ROBO1: variants seen among roughly 807,000 people sequenced by gnomAD.
The protein encoded by ROBO1 is roundabout guidance receptor 1.
ROBO1 carries 149 observed loss-of-function variants against 195.9 expected under a neutral mutation model. The observed-to-expected ratio is 0.76, with a 90% CI of 0.67 to 0.87. ROBO1 has a LOEUF of 0.87. Ranked by LOEUF, ROBO1 falls within the 40% of genes least tolerant of loss-of-function variation. The pLI, the probability that ROBO1 is intolerant of heterozygous loss-of-function variation, is 0.00. For synonymous variants in ROBO1, 816 were observed against 733.2 expected, an observed-to-expected ratio of 1.11 and a Z score of -1.82; for missense variants, 1,933 against 2,068.3, an observed-to-expected ratio of 0.93 and a Z score of 1.27.
At chr3:79,169,735 G>C (rs2081133713) in intron 2 of ROBO1, among the ~76,000 whole-genome samples, 1 of 152,074 alleles carries the variant, frequency 6.6e-6, no homozygotes, top group Non-Finnish European at 1.5e-5. Context: ...GATCACAGCT[G>C]TTATAAGTGA....
intron 4 of ROBO1, among the ~76,000 whole-genome samples, chr3:78,771,575 T>C (rs934087891): frequency 6.6e-6 from 1 of 152,090 alleles, no homozygotes; most frequent in African/African-American, 2.4e-5. Context: ...TTTCTTTCAG[T>C]AGTGTTTTTT....
intron 2 of ROBO1, among the ~76,000 whole-genome samples, chr3:79,165,435 AC>A (rs2081047359): frequency 6.6e-6 from 1 of 152,240 alleles, no homozygotes; most frequent in Non-Finnish European, 1.5e-5. Flanking sequence ...TGCTGAGTGA[AC>A]TCAGTATCCC....
chr3:79,288,127 C>G (rs906637690), intron 2 of ROBO1, among the ~76,000 whole-genome samples: 1 of 152,108 alleles, frequency 6.6e-6, no homozygotes, highest in African/African-American at 2.4e-5. Context: ...AGCCAATCTT[C>G]CTCCGTTTTC....
intron 4 of ROBO1, among the ~76,000 whole-genome samples, chr3:78,922,448 T>C (rs1224464221): frequency 6.6e-6 from 1 of 152,058 alleles, no homozygotes; most frequent in East Asian, 1.9e-4. Flanking sequence ...TAGAAAAGCA[T>C]AATTTCAAAG....
intron 2 of ROBO1, among the ~76,000 whole-genome samples, chr3:79,444,582 C>A (rs1195369146): frequency 6.6e-6 from 1 of 152,098 alleles, no homozygotes; most frequent in Admixed American, 6.5e-5. Flanking sequence ...ATATGTCCTA[C>A]AACCAAGCAA....
intron 3 of ROBO1, among the ~76,000 whole-genome samples, chr3:79,069,329 A>T (rs557505344): frequency 2.6e-5 from 4 of 151,860 alleles, no homozygotes; most frequent in Admixed American, 2.6e-4. Context: ...GTCATTTCAG[A>T]TTGTGTAGCA....
intron 1 of ROBO1, among the ~76,000 whole-genome samples, chr3:79,725,371 C>A (rs965062529): frequency 6.6e-6 from 1 of 151,352 alleles, no homozygotes; most frequent in Non-Finnish European, 1.5e-5. Flanking sequence ...GGACTACAGG[C>A]GCCCGCCACC....
rs188484305 is a variant in ROBO1, at chr3:79,178,570, G to A, written c.89-53031C>T. 1.6e-3 allele frequency among the ~76,000 whole-genome samples: 238 copies of A among 152,312 alleles called. 1 individual carries two copies. Among genetic ancestry groups the A allele is most frequent in the South Asian group, 3.7e-3 (18 of 4,834 alleles). On this transcript the variant is annotated intron_variant, in intron 2 of 30. Transcript: ENST00000464233. ...TGGCTGTCAGAATAAAATGAAGCATGAGTCTGCTGAGAAAATCAAGCATCA... is the reference window on the plus strand; with the variant it reads ...TGGCTGTCAGAATAAAATGAAGCATAAGTCTGCTGAGAAAATCAAGCATCA...
intron 3 of ROBO1, among the ~76,000 whole-genome samples, chr3:79,026,161 T>C (rs2078199010): frequency 6.6e-6 from 1 of 152,130 alleles, no homozygotes; most frequent in East Asian, 1.9e-4. Flanking sequence ...ATAAAAATTA[T>C]AACAAGCAGT....
chr3:78,860,127 G>GTAGGTAGA (rs1157848874), intron 4 of ROBO1, among the ~76,000 whole-genome samples: 6 of 137,720 alleles, frequency 4.4e-5, no homozygotes, highest in Admixed American at 2.9e-4. Flanking sequence ...GGGAACATAG[G>GTAGGTAGA]TAGGTAGATA....
chr3:79,156,417 C>A (rs2080859200), intron 2 of ROBO1, among the ~76,000 whole-genome samples: 1 of 151,728 alleles, frequency 6.6e-6, no homozygotes, highest in African/African-American at 2.4e-5. Context: ...GTACCCCTTT[C>A]ATTTTTCACA....
intron 2 of ROBO1, among the ~76,000 whole-genome samples, chr3:79,508,943 T>G (rs954876615): frequency 6.6e-6 from 1 of 152,148 alleles, no homozygotes; most frequent in African/African-American, 2.4e-5. Flanking sequence ...AAACAAAGTA[T>G]AAGTCTTATA....
At chr3:79,559,298 A>T (rs1473458511) in intron 2 of ROBO1, among the ~76,000 whole-genome samples, 2 of 152,196 alleles carry the variant, frequency 1.3e-5, no homozygotes, top group East Asian at 1.9e-4. Flanking sequence ...TTTTTTGCTC[A>T]AGTAAACTCT....
rs535261085 is a variant in ROBO1 at position 78,758,075 on chromosome 3, G to A, written c.500-11175C>T. On this transcript the variant is annotated intron_variant, in intron 4 of 30. Transcript: ENST00000464233. ...GTCTGCTCAGCCATCAGCTCTGGCAGACAAAGTTTAAGACCTCCTCTGGAT... is the reference window on the plus strand; with the variant it reads ...GTCTGCTCAGCCATCAGCTCTGGCAAACAAAGTTTAAGACCTCCTCTGGAT... 9.2e-5 allele frequency among the ~76,000 whole-genome samples: 14 copies of A among 152,322 alleles called. No homozygotes were observed. The East Asian group carries it at 2.7e-3, about 29-fold the overall frequency.
At chr3:78,660,904 T>C (rs2107665989) in intron 16 of ROBO1, 126 bp downstream of exon 16, 2 of 701,996 alleles carry the variant, frequency 2.8e-6, no homozygotes, top group East Asian at 2.7e-5. Context: ...TAGCAAAATG[T>C]ATGTTCAATA....
chr3:79,504,840 T>C (rs1267974670), intron 2 of ROBO1, among the ~76,000 whole-genome samples: 1 of 152,090 alleles, frequency 6.6e-6, no homozygotes, highest in Non-Finnish European at 1.5e-5. Flanking sequence ...TAGTTGGGCA[T>C]ATGTGTGTGT....
At chr3:79,483,156 T>C (rs2107395509) in intron 2 of ROBO1, among the ~76,000 whole-genome samples, 1 of 152,328 alleles carries the variant, frequency 6.6e-6, no homozygotes, top group African/African-American at 2.4e-5. Context: ...ATTATAATTT[T>C]TGCACTATCT....
intron 1 of ROBO1, among the ~76,000 whole-genome samples, chr3:79,697,630 CACAATAAG>C (rs1324159529): frequency 2.0e-5 from 3 of 151,076 alleles, no homozygotes; most frequent in African/African-American, 7.3e-5. Context: ...AATTCTTTGT[CACAATAAG>C]ACATATGATG....
intron 2 of ROBO1, among the ~76,000 whole-genome samples, chr3:79,272,434 C>A (rs569298821): frequency 6.6e-6 from 1 of 152,080 alleles, no homozygotes; most frequent in Non-Finnish European, 1.5e-5. Flanking sequence ...CAGAAAAAAA[C>A]ACTTTCCTTA....
Sources: allele counts gnomAD v4.1 joint callset (sites outside exome capture counted in the v4.1 genomes callset), GRCh38; gene constraint gnomAD v4.1.1; transcripts MANE v1.5; gene names NCBI Gene and HGNC (gene_info 2026-07-23, HGNC 2026-07-21).